Variants in FLNB observed in about 807,000 individuals in gnomAD.
The protein encoded by FLNB is filamin B, also known as filamin-B.
A neutral mutation model predicts 250.6 loss-of-function variants in FLNB; 111 were observed. The observed-to-expected ratio is 0.44, with a 90% CI of 0.38 to 0.52. The LOEUF is 0.52. Among genes scored for constraint, FLNB ranks in the 20% least tolerant of loss-of-function variants. The pLI, the probability that FLNB is intolerant of heterozygous loss-of-function variation, is 0.00. For synonymous variants in FLNB, 1,302 were observed against 1,372.1 expected, an observed-to-expected ratio of 0.95 and a Z score of 1.13; for missense variants, 2,869 against 3,447.8, an observed-to-expected ratio of 0.83 and a Z score of 4.20.
chr3:58,021,415 T>C (rs2097113910), intron 1 of FLNB, among the ~76,000 whole-genome samples: 1 of 152,142 alleles, frequency 6.6e-6, no homozygotes, highest in African/African-American at 2.4e-5. Flanking sequence ...AGACCAGGAA[T>C]GTGCTGCTGC....
intron 33 of FLNB, 24 bp downstream of exon 33, chr3:58,146,073 T>C (rs754471605): frequency 1.9e-6 from 3 of 1,614,090 alleles, no homozygotes; most frequent in Non-Finnish European, 2.5e-6. Flanking sequence ...TACGTGTTTA[T>C]ACGCCTCCAG....
intron 1 of FLNB, among the ~76,000 whole-genome samples, chr3:58,049,225 C>T (rs548490319): frequency 1.3e-5 from 2 of 152,118 alleles, no homozygotes; most frequent in African/African-American, 4.8e-5. Context: ...TTTATTTGTA[C>T]GATCTTCCAA....
Position 58,111,867 on chromosome 3 carries a change from G to A in FLNB, c.2561G>A (p.Gly854Glu). The change falls in exon 17 of 46, where the codon GGG becomes GAG. Residue 854 changes from glycine (G) to glutamate (E), a missense_variant. Around this residue, in one of 5 missense-constraint regions of FLNB, gnomAD observed 1,348 missense variants for 1,466.7 expected, o/e 0.92. Coordinates refer to ENST00000295956, the MANE Select transcript of FLNB (RefSeq NM_001457.4). Reference protein sequence around the residue: ...DASKVKAEGPGLSKAGVENGK... With the variant: ...DASKVKAEGPELSKAGVENGK... ...AGCAAAGTGAAGGCAGAAGGCCCAGGGCTCAGCAAAGCAGGTAAGATGGCA... is the reference window on the plus strand; with the variant it reads ...AGCAAAGTGAAGGCAGAAGGCCCAGAGCTCAGCAAAGCAGGTAAGATGGCA... The A allele has an allele frequency of 1.2e-6, 2 of 1,614,010 alleles. No individual in the cohort carries two copies. The highest frequency in any genetic ancestry group is 1.7e-6 in the Non-Finnish European group (2 of 1,179,900).
Position 58,008,507 on chromosome 3 carries a change from G to A in FLNB, c.-58G>A. 1.3e-6 allele frequency: 2 copies of A among 1,542,164 alleles called. No homozygotes were observed. The highest frequency in any genetic ancestry group is 2.0e-5 in the Admixed American group (1 of 51,144). On this transcript the variant is annotated 5_prime_UTR_variant, in exon 1 of 46. Transcript: ENST00000295956. Reference sequence around the variant, plus strand: ...CGGTTCTCGCTCCTTCGGCCCTTGGGCCTCCAAACACCAGTCCCCGGCAGC... The same window carrying A: ...CGGTTCTCGCTCCTTCGGCCCTTGGACCTCCAAACACCAGTCCCCGGCAGC...
chr3:58,134,136 G>C (rs1401791149), intron 26 of FLNB, among the ~76,000 whole-genome samples: 6 of 152,210 alleles, frequency 3.9e-5, no homozygotes, highest in Admixed American at 3.9e-4. Context: ...TAGGAATTGG[G>C]CCGCACGGTG....
At chr3:58,079,058 C>G (rs141550423) in intron 3 of FLNB, among the ~76,000 whole-genome samples, 1 of 152,180 alleles carries the variant, frequency 6.6e-6, no homozygotes, top group African/African-American at 2.4e-5. Flanking sequence ...TGTCACTCTT[C>G]TTTGTCACAC....
chr3:58,164,461 AC>A lies in FLNB; in HGVS notation c.7198+1135del, dbSNP rs1280017306. 6.6e-6 allele frequency: 1 copy of A among 152,236 alleles called. No homozygotes were observed. Among genetic ancestry groups the A allele is most frequent in the Non-Finnish European group, 1.5e-5 (1 of 68,102 alleles). The allele number at this position is 152,236 out of a possible 1,614,324, so 9.4% of individuals were successfully genotyped here. A position where few individuals can be genotyped will look rare whatever the true frequency, so the allele number is the denominator to read the frequency against. On this transcript the variant is annotated intron_variant, in intron 43 of 45. Transcript: ENST00000295956. This position sits in a 1 kb window ranked among gnomAD's most constrained non-coding sequence, Gnocchi z 4.0. ...TTGAGTCTCTTGTGTGTGTACCCCC[AC>A]CCCGCATAAGGAGAGTGGGATGGAG...
intron 4 of FLNB, among the ~76,000 whole-genome samples, chr3:58,093,795 G>A (rs556638553): frequency 6.6e-6 from 1 of 151,940 alleles, no homozygotes; most frequent in South Asian, 2.1e-4. Flanking sequence ...CAATAAAAAG[G>A]AAAAAAACCA....
Position 58,024,606 on chromosome 3 carries a change from T to C in FLNB, c.292+15750T>C, listed in dbSNP as rs150886206. On this transcript the variant is annotated intron_variant, in intron 1 of 45. Coordinates refer to ENST00000295956, the MANE Select transcript of FLNB (RefSeq NM_001457.4). ...ACCGCCTCCTACCTAACAGACTCTTTTTAGAAGAAGAGGCAACCTGGGTTT... is the reference window on the plus strand; with the variant it reads ...ACCGCCTCCTACCTAACAGACTCTTCTTAGAAGAAGAGGCAACCTGGGTTT... 3.9e-4 allele frequency among the ~76,000 whole-genome samples: 59 copies of C among 152,226 alleles called. 1 individual carries two copies. The East Asian group carries it at 0.011, about 28-fold the overall frequency.
chr3:58,103,855 G>A, intron 9 of FLNB, 104 bp from the exon 10 acceptor site: 1 of 1,395,362 alleles, frequency 7.2e-7, no homozygotes, highest in South Asian at 1.2e-5. Flanking sequence ...TTTTATGTAT[G>A]GTTTATGTTT....
At chr3:58,167,473 G>T (rs1575482492) in intron 43 of FLNB, among the ~76,000 whole-genome samples, 1 of 152,226 alleles carries the variant, frequency 6.6e-6, no homozygotes, top group Non-Finnish European at 1.5e-5. Context: ...TCCCAGCTGG[G>T]GCAGTGTCTA....
chr3:58,097,267 T>C (rs2097240581), intron 6 of FLNB, among the ~76,000 whole-genome samples: 1 of 152,114 alleles, frequency 6.6e-6, no homozygotes, highest in South Asian at 2.1e-4. Flanking sequence ...GAAGGGAGCA[T>C]TTATAATGTA....
intron 4 of FLNB, among the ~76,000 whole-genome samples, chr3:58,090,691 TA>T (rs1412140723): frequency 6.6e-6 from 1 of 152,148 alleles, no homozygotes; most frequent in Non-Finnish European, 1.5e-5. Context: ...TATTAGCAAA[TA>T]AAATTGAGCT....
At chr3:58,067,241 CAG>C (rs1259461179) in intron 1 of FLNB, among the ~76,000 whole-genome samples, 1 of 150,772 alleles carries the variant, frequency 6.6e-6, no homozygotes, top group South Asian at 2.1e-4. Context: ...CTTCTCAACA[CAG>C]TGTACTAGCA....
At chr3:58,151,436 A>G (rs12715522) in intron 38 of FLNB, 49,239 of 145,238 alleles carry the variant, frequency 0.34, 8,765 homozygotes, top group Middle Eastern at 0.39. Flanking sequence ...GATCGTTTGT[A>G]GTCATAAACA....
chr3:58,137,522 C>A (rs2001972), intron 28 of FLNB, among the ~76,000 whole-genome samples: 48,377 of 152,148 alleles, frequency 0.32, 8,266 homozygotes, highest in Non-Finnish European at 0.38. Flanking sequence ...CTCTTCCACT[C>A]CTCCCTGAAC....
chr3:58,061,881 C>G (rs969260098), intron 1 of FLNB, among the ~76,000 whole-genome samples: 2 of 151,982 alleles, frequency 1.3e-5, no homozygotes, highest in Admixed American at 1.3e-4. Context: ...CACCTGAGAT[C>G]AGGAGTTCAA....
rs1200088181 is a variant in FLNB at position 58,154,919 on chromosome 3, C to A, written c.6763C>A (p.Gln2255Lys). 6.2e-7 allele frequency: 1 copy of A among 1,613,842 alleles called. No individual in the cohort carries two copies. The highest frequency in any genetic ancestry group is 8.5e-7 in the Non-Finnish European group (1 of 1,179,892). ...GTCGTGCGGTGTATCTTATATTGCC[C>A]AAGAGCCTGGTATGTATTCAGGGTT... is the stretch of plus-strand genomic sequence containing the variant. ...NGSCGVSYIA[Q>K]EPGNYEVSIK... Residue 2255 changes from glutamine (Q) to lysine (K), a missense_variant, in exon 40 of 46, where the codon CAA becomes AAA. Transcript: ENST00000295956.
At position 58,104,083 on chromosome 3, in the gene FLNB, G is replaced by A. The variant is rs780705311; in HGVS notation, c.1608G>A (p.Lys536=). 1 of 1,613,796 alleles carries A rather than the reference G, an allele frequency of 6.2e-7. No individual in the cohort carries two copies. The highest frequency in any genetic ancestry group is 1.1e-5 in the South Asian group (1 of 91,050). ...AITWGGHHIP[K]SPFEVQVGPE... is the part of the protein sequence containing the mutation. ...CATGGGGGGGACACCACATTCCAAA[G>A]AGGTGAGGCTCCTGCTGCAGAGGGG... is the stretch of plus-strand genomic sequence containing the variant. Residue 536 remains lysine (K), a splice_region_variant and synonymous_variant, in exon 10 of 46, where the codon AAG becomes AAA. Transcript: ENST00000295956.
Sources: gnomAD v4.1 joint callset for allele counts (sites outside exome capture counted in the v4.1 genomes callset) on GRCh38, gnomAD v4.1.1 for gene constraint, gnomAD v4.1.1 regional missense constraint, Gnocchi (gnomAD v3.1) non-coding constraint, MANE v1.5 for transcripts, NCBI Gene and HGNC (gene_info 2026-07-23, HGNC 2026-07-21) for gene names.